The following DPYSL2 variants were observed in gnomAD, a reference collection of about 807,000 sequenced individuals.
DPYSL2 encodes dihydropyrimidinase like 2.
A neutral mutation model predicts 69.9 loss-of-function variants in DPYSL2; 13 were observed. That is an observed-to-expected ratio of 0.19 (90% confidence interval 0.12 to 0.30). The LOEUF is 0.30. Among genes scored for constraint, DPYSL2 ranks in the 10% least tolerant of loss-of-function variants. The pLI is 1.00. For missense variants in DPYSL2, 587 were observed against 918.9 expected, an observed-to-expected ratio of 0.64 and a Z score of 4.67; for synonymous variants, 326 against 359.1, an observed-to-expected ratio of 0.91 and a Z score of 1.04.
At chr8:26,655,537 T>G (rs1803365458) in intron 13 of DPYSL2, 78 bp from the exon 14 acceptor site, 734 of 1,287,878 alleles carry the variant, frequency 5.7e-4, no homozygotes, top group Non-Finnish European at 7.1e-4. Flanking sequence ...TCCTGAGCTG[T>G]GAGATTTCAC....
intron 1 of DPYSL2, among the ~76,000 whole-genome samples, chr8:26,534,972 T>G (rs1800568722): frequency 6.6e-6 from 1 of 152,224 alleles, no homozygotes; most frequent in South Asian, 2.1e-4. Context: ...TTTCTATGAC[T>G]GTTTCCTCAT....
intron 1 of DPYSL2, chr8:26,578,671 C>A: frequency 4.2e-6 from 4 of 942,456 alleles, no homozygotes; most frequent in Non-Finnish European, 5.2e-6. Flanking sequence ...CTGCGTGCTG[C>A]GAGGCTGGAC....
intron 1 of DPYSL2, chr8:26,578,081 A>G: frequency 1.3e-6 from 2 of 1,492,044 alleles, no homozygotes; most frequent in Non-Finnish European, 8.8e-7. Context: ...AGAGGATTGC[A>G]TTCATCCGTT....
Position 26,514,692 on chromosome 8 carries a change from G to A in DPYSL2, c.354+13G>A. On this transcript the variant is annotated intron_variant, in intron 1 of 13. Coordinates refer to ENST00000521913, the MANE Select transcript of DPYSL2 (RefSeq NM_001197293.3). The surrounding 1 kb of genome is among the most constrained non-coding windows in gnomAD (Gnocchi z 8.4). ...CATCAACGACCAGGTCGGTGTGGGG[G>A]TTGGGGGTGGAGACGGAGGACGGGG... The A allele has an allele frequency of 7.3e-7, 1 of 1,372,328 alleles. No homozygotes were observed. The highest frequency in any genetic ancestry group is 9.4e-7 in the Non-Finnish European group (1 of 1,061,992). The allele number at this position is 1,372,328 out of a possible 1,614,324, so 85.0% of individuals were successfully genotyped here.
At chr8:26,599,458 C>T (rs1205195031) in intron 3 of DPYSL2, among the ~76,000 whole-genome samples, 2 of 152,116 alleles carry the variant, frequency 1.3e-5, no homozygotes, top group East Asian at 3.9e-4. Context: ...GCAAAGGTCA[C>T]ACTATTCTTG....
At chr8:26,601,947 C>T (rs529928273) in intron 3 of DPYSL2, among the ~76,000 whole-genome samples, 1 of 152,306 alleles carries the variant, frequency 6.6e-6, no homozygotes, top group East Asian at 1.9e-4. Flanking sequence ...GCCAAGCAAC[C>T]TAGATGTTTG....
intron 1 of DPYSL2, among the ~76,000 whole-genome samples, chr8:26,546,539 T>C (rs1288572154): frequency 6.6e-6 from 1 of 152,206 alleles, no homozygotes; most frequent in Non-Finnish European, 1.5e-5. Flanking sequence ...TAATTGTATG[T>C]AACATAAATG....
At chr8:26,612,215 T>G (rs1276791294) in intron 3 of DPYSL2, among the ~76,000 whole-genome samples, 2 of 152,194 alleles carry the variant, frequency 1.3e-5, no homozygotes, top group African/African-American at 2.4e-5. Flanking sequence ...AAAGCAGCGC[T>G]GTCTGGGGTG....
At position 26,652,555 on chromosome 8, in the gene DPYSL2, A is replaced by G; in HGVS notation, c.1776+119A>G. 1 of 1,135,226 alleles carries G rather than the reference A, an allele frequency of 8.8e-7. No individual in the cohort carries two copies. Among genetic ancestry groups the G allele is most frequent in the South Asian group, 1.6e-5 (1 of 61,464 alleles). The allele number at this position is 1,135,226 out of a possible 1,614,324, so 70.3% of individuals were successfully genotyped here. A position where few individuals can be genotyped will look rare whatever the true frequency, so the allele number is the denominator to read the frequency against. On this transcript the variant is annotated intron_variant, in intron 12 of 13. Coordinates refer to ENST00000521913, the MANE Select transcript of DPYSL2 (RefSeq NM_001197293.3). This position sits in a 1 kb window ranked among gnomAD's most constrained non-coding sequence, Gnocchi z 6.3. ...GATGAATTTAGTGGATTCCAGGGATAAGAGGGAGCCTGAATTTTTTATTCC... is the reference window on the plus strand; with the variant it reads ...GATGAATTTAGTGGATTCCAGGGATGAGAGGGAGCCTGAATTTTTTATTCC...
chr8:26,638,690 G>A (rs972830846), intron 8 of DPYSL2, among the ~76,000 whole-genome samples: 1 of 152,202 alleles, frequency 6.6e-6, no homozygotes, highest in East Asian at 1.9e-4. Flanking sequence ...CGACCTGGGG[G>A]CATTTTTACT....
intron 3 of DPYSL2, among the ~76,000 whole-genome samples, chr8:26,602,825 C>T (rs1156825009): frequency 6.6e-6 from 1 of 152,192 alleles, no homozygotes; most frequent in African/African-American, 2.4e-5. Context: ...GTGAAGATTG[C>T]TGTACTAAGG....
In DPYSL2 at chr8:26,644,821, C is replaced by T. The variant is rs13249892; in HGVS notation, c.1425+730C>T. Among the ~76,000 whole-genome samples, 16,098 of 152,098 alleles carry T rather than the reference C, an allele frequency of 0.11. 1,151 individuals carry two copies. Among genetic ancestry groups the T allele is most frequent in the South Asian group, 0.16 (768 of 4,806 alleles). The stretch of plus-strand genomic sequence containing the variant: ...TAGCATGTCTTCTACTGCCAGCTTC[C>T]AGTAGGCCTGCTATGAACATACACT... On this transcript the variant is annotated intron_variant, in intron 10 of 13. Coordinates refer to ENST00000521913, the MANE Select transcript of DPYSL2 (RefSeq NM_001197293.3). The surrounding 1 kb of genome is among the most constrained non-coding windows in gnomAD (Gnocchi z 4.5).
At chr8:26,534,145 C>T (rs1441205199) in intron 1 of DPYSL2, among the ~76,000 whole-genome samples, 1 of 152,226 alleles carries the variant, frequency 6.6e-6, no homozygotes, top group Non-Finnish European at 1.5e-5. Context: ...AGATACCAGA[C>T]ACCGTGCTAA....
rs191543322 is a variant in DPYSL2, at chr8:26,654,614, T to C, written c.1943-1001T>C. 3.3e-3 allele frequency among the ~76,000 whole-genome samples: 508 copies of C among 152,266 alleles called. 4 individuals are homozygous for C. Among genetic ancestry groups the C allele is most frequent in the Admixed American group, 0.012 (190 of 15,296 alleles). ...AAGGTGCCATCGTTCCTCCTACTTGTGATTATATGTGTAGGATTAGGGGAT... is the reference window on the plus strand; with the variant it reads ...AAGGTGCCATCGTTCCTCCTACTTGCGATTATATGTGTAGGATTAGGGGAT... On this transcript the variant is annotated intron_variant, in intron 13 of 13. Transcript: ENST00000521913. The surrounding 1 kb of genome is among the most constrained non-coding windows in gnomAD (Gnocchi z 5.0).
At chr8:26,568,639 C>A (rs1183758416) in intron 1 of DPYSL2, among the ~76,000 whole-genome samples, 2 of 151,968 alleles carry the variant, frequency 1.3e-5, no homozygotes, top group East Asian at 3.8e-4. Flanking sequence ...TGGCCAAGAA[C>A]CATGGCGTGT....
rs1487184590 is a variant in DPYSL2, at chr8:26,627,834, A to C, written c.937-38A>C. On this transcript the variant is annotated intron_variant, in intron 6 of 13. Coordinates refer to ENST00000521913, the MANE Select transcript of DPYSL2 (RefSeq NM_001197293.3). The surrounding 1 kb of genome is among the most constrained non-coding windows in gnomAD (Gnocchi z 6.9). ...CTGCCATCAGAGCTGTGCAAAATCCACTCTCCCTCACAGCCTGACTTTCTC... is the reference window on the plus strand; with the variant it reads ...CTGCCATCAGAGCTGTGCAAAATCCCCTCTCCCTCACAGCCTGACTTTCTC... 6.2e-7 allele frequency: 1 copy of C among 1,604,466 alleles called. No individual in the cohort carries two copies. Among genetic ancestry groups the C allele is most frequent in the Non-Finnish European group, 8.5e-7 (1 of 1,174,472 alleles).
chr8:26,521,871 G>T (rs568918062), intron 1 of DPYSL2, among the ~76,000 whole-genome samples: 4 of 152,038 alleles, frequency 2.6e-5, no homozygotes, highest in African/African-American at 9.7e-5. Context: ...TTCCTTTTTA[G>T]GGCCAAATAA....
chr8:26,546,947 A>AAAAAAAAAAAAAAAG (rs1800781445), intron 1 of DPYSL2, among the ~76,000 whole-genome samples: 1 of 145,516 alleles, frequency 6.9e-6, no homozygotes, highest in African/African-American at 2.5e-5. Flanking sequence ...AAAAAAAAAA[A>AAAAAAAAAAAAAAAG]AAAAGAAAAG....
chr8:26,592,838 T>G (rs1801773862), intron 3 of DPYSL2, among the ~76,000 whole-genome samples: 1 of 152,164 alleles, frequency 6.6e-6, no homozygotes, highest in Non-Finnish European at 1.5e-5. Flanking sequence ...GTTTTCTGAC[T>G]TAACCATCCA....
Sources: gnomAD v4.1 joint callset for allele counts (sites outside exome capture counted in the v4.1 genomes callset) on GRCh38, gnomAD v4.1.1 for gene constraint, Gnocchi (gnomAD v3.1) non-coding constraint, MANE v1.5 for transcripts, NCBI Gene and HGNC (gene_info 2026-07-23, HGNC 2026-07-21) for gene names.